PKHD1L1: variants seen among roughly 807,000 people sequenced by gnomAD.
PKHD1L1 encodes fibrocystin-L.
In PKHD1L1, 434 loss-of-function variants were observed where a neutral mutation model predicts 462.9. That is an observed-to-expected ratio of 0.94 (90% CI 0.87 to 1.02). PKHD1L1 has a LOEUF of 1.02. Ranked by LOEUF, PKHD1L1 falls within the 50% of genes least tolerant of loss-of-function variation. The pLI, the probability that PKHD1L1 is intolerant of heterozygous loss-of-function variation, is 0.00. For synonymous variants in PKHD1L1, 1,781 were observed against 1,750.0 expected (o/e 1.02, Z -0.44); for missense variants, 5,202 against 5,096.1 (o/e 1.02, Z -0.63).
chr8:109,381,618 A>G, intron 3 of PKHD1L1, 104 bp downstream of exon 3: 3 of 890,798 alleles, frequency 3.4e-6, no homozygotes, highest in Non-Finnish European at 4.8e-6. Flanking sequence ...TATTATAAAT[A>G]ATATTTTTCT....
At chr8:109,438,669 TA>T (rs552029785) in intron 31 of PKHD1L1, among the ~76,000 whole-genome samples, 1 of 151,820 alleles carries the variant, frequency 6.6e-6, no homozygotes, top group East Asian at 1.9e-4. Flanking sequence ...TTTTTTTTTT[TA>T]AAAAAGGACT....
intron 10 of PKHD1L1, 114 bp downstream of exon 10, chr8:109,394,599 C>A: frequency 1.6e-6 from 1 of 626,470 alleles, no homozygotes; most frequent in Non-Finnish European, 2.4e-6. Context: ...TGATGTACTG[C>A]TAGGAAAGGA....
intron 53 of PKHD1L1, 124 bp from the exon 54 acceptor site, chr8:109,479,427 C>T (rs901850507): frequency 1.3e-4 from 79 of 620,976 alleles, no homozygotes; most frequent in African/African-American, 1.4e-4. Flanking sequence ...AAGGACAAAG[C>T]GTGCATTTTT....
intron 33 of PKHD1L1, 119 bp downstream of exon 33, chr8:109,440,971 A>T: frequency 2.4e-6 from 3 of 1,265,070 alleles, no homozygotes; most frequent in Non-Finnish European, 2.2e-6. Context: ...TAGTAGCATA[A>T]AAAAGGTAAG....
At chr8:109,463,212 T>C (rs1817236858) in intron 48 of PKHD1L1, among the ~76,000 whole-genome samples, 1 of 152,176 alleles carries the variant, frequency 6.6e-6, no homozygotes, top group African/African-American at 2.4e-5. Context: ...AACTCCTGTG[T>C]ATCTTATTTA....
Position 109,389,159 on chromosome 8 carries a change from G to C in PKHD1L1, c.697+7G>C. ...ACGACTGGAACTTTTATTGGCAAGTGTTGGTCATCTTTCTTCATAATGCTC... is the reference window on the plus strand; with the variant it reads ...ACGACTGGAACTTTTATTGGCAAGTCTTGGTCATCTTTCTTCATAATGCTC... On this transcript the variant is annotated splice_region_variant and intron_variant, in intron 8 of 77. Transcript: ENST00000378402. 6.2e-7 allele frequency: 1 copy of C among 1,600,002 alleles called. No homozygotes were observed. Among genetic ancestry groups the C allele is most frequent in the Non-Finnish European group, 8.6e-7 (1 of 1,168,618 alleles).
At position 109,504,502 on chromosome 8, in the gene PKHD1L1, A is replaced by G. The variant is rs771484819; in HGVS notation, c.10994+10A>G. 7.0e-7 allele frequency: 1 copy of G among 1,434,286 alleles called. No individual in the cohort carries two copies. Among genetic ancestry groups the G allele is most frequent in the Non-Finnish European group, 9.3e-7 (1 of 1,076,512 alleles). 88.8% of individuals were successfully genotyped at this position (1,434,286 alleles called of 1,614,324 possible). On this transcript the variant is annotated intron_variant, in intron 68 of 77. Coordinates refer to ENST00000378402, the MANE Select transcript of PKHD1L1 (RefSeq NM_177531.6). ...ATAGGCCTGATATAAGGTAAAATACATAAAAATTGTGGTTTTTCTATCTTT... is the reference window on the plus strand; with the variant it reads ...ATAGGCCTGATATAAGGTAAAATACGTAAAAATTGTGGTTTTTCTATCTTT...
intron 46 of PKHD1L1, 68 bp downstream of exon 46, chr8:109,456,459 C>T: frequency 7.1e-7 from 1 of 1,401,282 alleles, no homozygotes; most frequent in South Asian, 1.5e-5. Context: ...TAAAGAGGGA[C>T]AATTCAGATG....
At chr8:109,485,226 C>T (rs1818467140) in intron 58 of PKHD1L1, 53 bp downstream of exon 58, 2 of 1,351,044 alleles carry the variant, frequency 1.5e-6, no homozygotes, top group Non-Finnish European at 2.0e-6. Context: ...GAAAGATTCA[C>T]ATTTACTCTG....
chr8:109,382,513 C>T lies in PKHD1L1; in HGVS notation c.359C>T (p.Pro120Leu), dbSNP rs531081459. Residue 120 changes from proline (P) to leucine (L), a missense_variant, in exon 4 of 78, where the codon CCT becomes CTT. Pro to Leu is a moderately conservative substitution (Grantham distance 98). Coordinates refer to ENST00000378402, the MANE Select transcript of PKHD1L1 (RefSeq NM_177531.6). ...YTVRVSVDGV[P>L]VTENNTCKGH... ...GTTAGAGTCAGTGTGGACGGGGTTC[C>T]TGTTACGGAAAATAACACCTGCAAA... 2.3e-5 allele frequency: 37 copies of T among 1,612,518 alleles called. No individual in the cohort carries two copies. The East Asian group carries it at 8.3e-4, about 36-fold the overall frequency.
chr8:109,375,903 C>T (rs1425357543), intron 2 of PKHD1L1, among the ~76,000 whole-genome samples: 1 of 152,184 alleles, frequency 6.6e-6, no homozygotes, highest in African/African-American at 2.4e-5. Flanking sequence ...AGGTGTCAGT[C>T]CGCCCCTACT....
chr8:109,483,363 A>T (rs1180411091), intron 57 of PKHD1L1, among the ~76,000 whole-genome samples: 2 of 150,170 alleles, frequency 1.3e-5, no homozygotes, highest in Non-Finnish European at 3.0e-5. Flanking sequence ...ATTTATATAT[A>T]TTTTATGACT....
chr8:109,391,964 A>G (rs1183875909), intron 9 of PKHD1L1, among the ~76,000 whole-genome samples: 1 of 152,206 alleles, frequency 6.6e-6, no homozygotes, highest in Non-Finnish European at 1.5e-5. Flanking sequence ...CAAAACTAAG[A>G]GTAAATCAGA....
At position 109,443,028 on chromosome 8, in the gene PKHD1L1, C is replaced by T; in HGVS notation, c.4476C>T (p.Leu1492=). 1 of 1,613,570 alleles carries T rather than the reference C, an allele frequency of 6.2e-7. No homozygotes were observed. Among genetic ancestry groups the T allele is most frequent in the Non-Finnish European group, 8.5e-7 (1 of 1,179,632 alleles). Residue 1492 remains leucine (L), a synonymous_variant, in exon 36 of 78, where the codon CTC becomes CTT. Coordinates refer to ENST00000378402, the MANE Select transcript of PKHD1L1 (RefSeq NM_177531.6). ...TTGATGAGGCTCACTCCATTTTTCT[C>T]CAAGGAGTCATTAATGTTTTACCAG... The part of the protein sequence containing the change: ...GYVDEAHSIF[L]QGVINVLPAE...
chr8:109,369,273 G>C (rs992876922), intron 2 of PKHD1L1, among the ~76,000 whole-genome samples: 1 of 152,064 alleles, frequency 6.6e-6, no homozygotes. Flanking sequence ...CACCGCACCT[G>C]GCCTAGAATT....
chr8:109,427,880 G>C (rs900213435), intron 25 of PKHD1L1, among the ~76,000 whole-genome samples: 4 of 151,924 alleles, frequency 2.6e-5, no homozygotes, highest in African/African-American at 4.8e-5. Context: ...AGCTGGACGT[G>C]GTAGTGCATG....
At position 109,530,139 on chromosome 8, in the gene PKHD1L1, C is replaced by T. The variant is rs1488369562; in HGVS notation, c.*49C>T. 3.3e-6 allele frequency: 4 copies of T among 1,219,848 alleles called. No individual in the cohort carries two copies. The highest frequency in any genetic ancestry group is 4.3e-6 in the Non-Finnish European group (4 of 928,594). 75.6% of individuals were successfully genotyped at this position (1,219,848 alleles called of 1,614,324 possible). A position where few individuals can be genotyped will look rare whatever the true frequency, so the allele number is the denominator to read the frequency against. ...GAAACAAAAATATAAGAATTATTAG[C>T]TACTTTGTTGGGCAATAGGCAAAAG... is the stretch of plus-strand genomic sequence containing the variant. On this transcript the variant is annotated 3_prime_UTR_variant, in exon 78 of 78. Transcript: ENST00000378402.
intron 47 of PKHD1L1, 94 bp from the exon 48 acceptor site, chr8:109,461,678 T>C (rs1026439): frequency 0.57 from 753,365 of 1,333,266 alleles, 218,265 homozygotes; most frequent in African/African-American, 0.86. Context: ...TGAGATCATA[T>C]GTGAATCAAA....
intron 62 of PKHD1L1, among the ~76,000 whole-genome samples, chr8:109,493,159 C>T (rs1279952285): frequency 1.3e-5 from 2 of 149,466 alleles, no homozygotes; most frequent in Non-Finnish European, 3.0e-5. Context: ...TAGCGAGACC[C>T]TGTCTCTCTC....
Sources: allele counts gnomAD v4.1 joint callset (sites outside exome capture counted in the v4.1 genomes callset), GRCh38; gene constraint gnomAD v4.1.1; transcripts MANE v1.5; gene names NCBI Gene and HGNC (gene_info 2026-07-23, HGNC 2026-07-21).